The following KMT2C variants were observed in gnomAD, a reference collection of about 807,000 sequenced individuals.
KMT2C encodes the protein histone-lysine N-methyltransferase 2C.
KMT2C carries 88 observed loss-of-function variants against 507.9 expected under a neutral mutation model. The observed-to-expected ratio is 0.17, with a 90% CI of 0.15 to 0.21. The LOEUF (loss-of-function observed/expected upper bound fraction) is 0.21, where lower values mean the gene tolerates loss of function less well. Ranked by LOEUF, KMT2C falls within the 10% of genes least tolerant of loss-of-function variation. The pLI, the probability that KMT2C is intolerant of heterozygous loss-of-function variation, is 1.00. For missense variants in KMT2C, 4,954 were observed against 5,957.8 expected, an observed-to-expected ratio of 0.83 and a Z score of 5.55; for synonymous variants, 2,049 against 2,080.8, an observed-to-expected ratio of 0.98 and a Z score of 0.42.
At chr7:152,175,694 G>A (rs976825977) in intron 38 of KMT2C, among the ~76,000 whole-genome samples, 1 of 152,086 alleles carries the variant, frequency 6.6e-6, no homozygotes, top group Admixed American at 6.5e-5. Flanking sequence ...GTCTCCCAAA[G>A]TGCTAGGATT....
chr7:152,252,548 T>A lies in KMT2C; in HGVS notation c.1467A>T (p.Lys489Asn). The change falls in exon 10 of 59, where the codon AAA (lysine) becomes AAT (asparagine). Residue 489 changes from lysine to asparagine, a missense_variant and splice_region_variant. By Grantham distance (94) the Lys-to-Asn change is moderately conservative (BLOSUM62 0). Coordinates refer to ENST00000262189, the MANE Select transcript of KMT2C (RefSeq NM_170606.3). ...GAATAGAATAACTATCTTCTTACCT[T>A]TTGCACATATTACAATGAAGCATGT... Reference protein sequence around the residue: ...QKDMLHCNMCKRWVHLECDKP... With the variant: ...QKDMLHCNMCNRWVHLECDKP... The A allele has an allele frequency of 6.2e-7, 1 of 1,610,990 alleles. No individual in the cohort carries two copies. The highest frequency in any genetic ancestry group is 1.1e-5 in the South Asian group (1 of 90,954).
chr7:152,241,076 G>T (rs190897614), intron 14 of KMT2C, among the ~76,000 whole-genome samples: 3 of 152,262 alleles, frequency 2.0e-5, no homozygotes, highest in African/African-American at 7.2e-5. Flanking sequence ...CCGCTGCTAC[G>T]CTCCAGCTAT....
intron 23 of KMT2C, among the ~76,000 whole-genome samples, chr7:152,215,836 AGG>A (rs2094570326): frequency 6.6e-6 from 1 of 152,040 alleles, no homozygotes; most frequent in East Asian, 1.9e-4. Context: ...GCATGAAGGC[AGG>A]GGAAAGGGAG....
At chr7:152,317,264 G>A (rs1282758014) in intron 3 of KMT2C, among the ~76,000 whole-genome samples, 1 of 152,128 alleles carries the variant, frequency 6.6e-6, no homozygotes, top group Admixed American at 6.5e-5. Flanking sequence ...TAAAGAATTA[G>A]AAAAGGTTGT....
At chr7:152,390,535 T>A (rs2097484313) in intron 1 of KMT2C, among the ~76,000 whole-genome samples, 1 of 152,278 alleles carries the variant, frequency 6.6e-6, no homozygotes, top group African/African-American at 2.4e-5. Flanking sequence ...GTACCACAAA[T>A]CCAATCAAGT....
At chr7:152,374,614 T>G (rs2097314699) in intron 1 of KMT2C, among the ~76,000 whole-genome samples, 1 of 151,798 alleles carries the variant, frequency 6.6e-6, no homozygotes, top group Non-Finnish European at 1.5e-5. Context: ...AACTGAACAA[T>G]CAGGCCGGGT....
chr7:152,330,671 T>A lies in KMT2C; in HGVS notation c.319A>T (p.Thr107Ser). The change falls in exon 3 of 59, where the codon ACT (threonine) becomes TCT (serine). Residue 107 changes from threonine to serine, a missense_variant. Coordinates refer to ENST00000262189, the MANE Select transcript of KMT2C (RefSeq NM_170606.3). ...TCCTCAGACACAGATCGCTGAAGAG[T>A]TGGAATTAGCTGTTTGCTGTTATCC... ...EVDNSKQLIP[T>S]LQRSVSEESA... 6.2e-7 allele frequency: 1 copy of A among 1,614,050 alleles called. No individual in the cohort carries two copies. Among genetic ancestry groups the A allele is most frequent in the Non-Finnish European group, 8.5e-7 (1 of 1,179,960 alleles).
At chr7:152,377,438 T>C (rs2097337574) in intron 1 of KMT2C, among the ~76,000 whole-genome samples, 1 of 152,232 alleles carries the variant, frequency 6.6e-6, no homozygotes, top group Admixed American at 6.5e-5. Flanking sequence ...TCTTACTGTT[T>C]AAGAAATACA....
chr7:152,159,110 T>C (rs1351607008), intron 43 of KMT2C, 38 bp from the exon 44 acceptor site: 1 of 1,589,578 alleles, frequency 6.3e-7, no homozygotes, highest in South Asian at 1.1e-5. Flanking sequence ...AAGTGAACAA[T>C]TTGCATATTT....
At chr7:152,145,016 C>A in intron 54 of KMT2C, 135 bp from the exon 55 acceptor site, 1 of 1,357,594 alleles carries the variant, frequency 7.4e-7, no homozygotes, top group Non-Finnish European at 1.0e-6. Context: ...CAGAGACACA[C>A]GGCGAGTTCT....
chr7:152,162,099 T>C lies in KMT2C; in HGVS notation c.11460+18A>G, dbSNP rs1235916164. ...AAAACAAAAGAAAAAAGTTGTCGTT[T>C]TTATGATTTACACTTACCAGTCCTT... On this transcript the variant is annotated intron_variant, in intron 43 of 58. Coordinates refer to ENST00000262189, the MANE Select transcript of KMT2C (RefSeq NM_170606.3). 1 of 1,500,010 alleles carries C rather than the reference T, an allele frequency of 6.7e-7. No homozygotes were observed. 92.9% of individuals were successfully genotyped at this position (1,500,010 alleles called of 1,614,324 possible).
intron 2 of KMT2C, 41 bp from the exon 3 acceptor site, chr7:152,330,780 G>A: frequency 2.5e-6 from 4 of 1,592,952 alleles, no homozygotes; most frequent in Non-Finnish European, 3.4e-6. Context: ...AGTCATTTTT[G>A]TGTTTATTTT....
At chr7:152,375,056 G>T (rs1471891951) in intron 1 of KMT2C, among the ~76,000 whole-genome samples, 1 of 152,108 alleles carries the variant, frequency 6.6e-6, no homozygotes, top group Non-Finnish European at 1.5e-5. Flanking sequence ...TTGTTTGTTT[G>T]TTTGGGGACA....
intron 18 of KMT2C, among the ~76,000 whole-genome samples, chr7:152,229,100 G>A (rs1588407610): frequency 6.6e-6 from 1 of 152,158 alleles, no homozygotes; most frequent in East Asian, 1.9e-4. Context: ...AAGGGCAGGG[G>A]AGAAAGGTAT....
At chr7:152,230,372 T>C in intron 16 of KMT2C, 51 bp from the exon 17 acceptor site, 1 of 793,084 alleles carries the variant, frequency 1.3e-6, no homozygotes, top group Non-Finnish European at 2.0e-6. Context: ...TCACTTGTTT[T>C]ACACTTAACT....
At chr7:152,333,890 T>C (rs976953478) in intron 2 of KMT2C, among the ~76,000 whole-genome samples, 3 of 152,208 alleles carry the variant, frequency 2.0e-5, no homozygotes, top group Non-Finnish European at 2.9e-5. Flanking sequence ...TAAGTGTTTA[T>C]ACAGTCTATC....
chr7:152,338,929 A>T (rs931539843), intron 2 of KMT2C, among the ~76,000 whole-genome samples: 1 of 152,242 alleles, frequency 6.6e-6, no homozygotes, highest in African/African-American at 2.4e-5. Context: ...GAATAAAATT[A>T]TGAAGTGGAC....
At chr7:152,220,941 A>T (rs527768644) in intron 22 of KMT2C, among the ~76,000 whole-genome samples, 1 of 152,314 alleles carries the variant, frequency 6.6e-6, no homozygotes, top group Admixed American at 6.5e-5. Context: ...ACAGGCAGAA[A>T]GGTTGCATGT....
Position 152,181,028 on chromosome 7 carries a change from G to T in KMT2C, c.6832C>A (p.Pro2278Thr), listed in dbSNP as rs764593264. 2 of 1,614,202 alleles carry T rather than the reference G, an allele frequency of 1.2e-6. No individual in the cohort carries two copies. The highest frequency in any genetic ancestry group is 8.5e-7 in the Non-Finnish European group (1 of 1,180,036). The change falls in exon 36 of 59, where the codon CCC becomes ACC. Residue 2278 changes from proline to threonine, a missense_variant. Pro to Thr is a conservative substitution (Grantham distance 38, BLOSUM62 -1). This residue lies in a region of KMT2C where 1,689 missense variants were observed against 1,654.3 expected (regional missense o/e 1.02). Transcript: ENST00000262189. The stretch of plus-strand genomic sequence containing the variant: ...GTGTCTGAAAGACCAGGTCCAGGGG[G>T]CCTAGGTGTCTGGGAACATGTATCA... The part of the protein sequence containing the change: ...PPDTCSQTPR[P>T]PGPGLSDTFS...
Sources: allele counts gnomAD v4.1 joint callset (sites outside exome capture counted in the v4.1 genomes callset), GRCh38; gene constraint gnomAD v4.1.1; regional missense constraint gnomAD v4.1.1; transcripts MANE v1.5; gene names NCBI Gene and HGNC (gene_info 2026-07-23, HGNC 2026-07-21).